Variants in ZNF407 observed in about 807,000 individuals in gnomAD.
The protein encoded by ZNF407 is zinc finger protein 407.
In ZNF407, 17 loss-of-function variants were observed where a neutral mutation model predicts 131.2. The ratio of observed to expected loss-of-function variants is 0.13; its 90% CI spans 0.09 to 0.19. The LOEUF (loss-of-function observed/expected upper bound fraction) is 0.19. Among genes scored for constraint, ZNF407 ranks in the 10% least tolerant of loss-of-function variants. The pLI, the probability that ZNF407 is intolerant of heterozygous loss-of-function variation, is 1.00. For synonymous variants in ZNF407, 1,156 were observed against 1,062.0 expected, an observed-to-expected ratio of 1.09 and a Z score of -1.72; for missense variants, 2,681 against 2,830.6, an observed-to-expected ratio of 0.95 and a Z score of 1.20.
intron 4 of ZNF407, among the ~76,000 whole-genome samples, chr18:74,793,455 C>G (rs1969863224): frequency 6.6e-6 from 1 of 152,018 alleles, no homozygotes; most frequent in Admixed American, 6.6e-5. Flanking sequence ...GATGTGTAAA[C>G]AAAGAAAAAG....
chr18:74,978,141 T>C (rs1972549096), intron 8 of ZNF407, among the ~76,000 whole-genome samples: 1 of 152,176 alleles, frequency 6.6e-6, no homozygotes, highest in African/African-American at 2.4e-5. Flanking sequence ...CACGGATGCA[T>C]GTAGTCACAT....
chr18:74,925,534 G>T (rs1971902419), intron 8 of ZNF407, among the ~76,000 whole-genome samples: 1 of 152,072 alleles, frequency 6.6e-6, no homozygotes, highest in Non-Finnish European at 1.5e-5. Context: ...TCATTAATTA[G>T]AACCATTAGT....
At chr18:75,053,822 A>G (rs1203628525) in intron 8 of ZNF407, among the ~76,000 whole-genome samples, 3 of 152,152 alleles carry the variant, frequency 2.0e-5, no homozygotes, top group Non-Finnish European at 4.4e-5. Flanking sequence ...ATCCAGGTAG[A>G]TCCAAGGAAG....
Position 75,064,364 on chromosome 18 carries a change from A to G in ZNF407, c.6643A>G (p.Arg2215Gly). 6.3e-7 allele frequency: 1 copy of G among 1,580,860 alleles called. No homozygotes were observed. Among genetic ancestry groups the G allele is most frequent in the Non-Finnish European group, 8.6e-7 (1 of 1,164,060 alleles). ...AGGCACAGAGGCCGGGGCCCCAAGC[A>G]GGGCAGAGCAGCTGGCCAGCGTGGT... The part of the protein sequence containing the change: ...TLGTEAGAPS[R>G]AEQLASVVIY... The change falls in exon 9 of 9, where the codon AGG (arginine) becomes GGG (glycine). Residue 2215 changes from arginine (R) to glycine (G), a missense_variant. By Grantham distance (125) the Arg-to-Gly change is moderately radical. This residue lies in a region of ZNF407 where 620 missense variants were observed against 583.1 expected (regional missense o/e 1.06). Transcript: ENST00000299687.
chr18:74,819,514 G>T (rs1253494417), intron 4 of ZNF407, among the ~76,000 whole-genome samples: 1 of 152,184 alleles, frequency 6.6e-6, no homozygotes. Context: ...AATTTCTAAT[G>T]GGCTTTCCTG....
chr18:74,876,950 A>G (rs1275400647), intron 4 of ZNF407, among the ~76,000 whole-genome samples: 3 of 152,216 alleles, frequency 2.0e-5, no homozygotes, highest in Admixed American at 6.5e-5. Flanking sequence ...CTCAGGGGTG[A>G]CTGGACTGTA....
At chr18:74,785,311 A>G (rs1166776245) in intron 4 of ZNF407, among the ~76,000 whole-genome samples, 2 of 152,000 alleles carry the variant, frequency 1.3e-5, no homozygotes, top group African/African-American at 4.8e-5. Context: ...GCTTCTTAGT[A>G]TTTTTGCTCA....
At chr18:74,704,556 T>A (rs1242933351) in intron 3 of ZNF407, among the ~76,000 whole-genome samples, 1 of 152,136 alleles carries the variant, frequency 6.6e-6, no homozygotes, top group African/African-American at 2.4e-5. Context: ...AGTTTGCAGG[T>A]TTATAACTTC....
At chr18:74,807,372 G>A (rs768906106) in intron 4 of ZNF407, among the ~76,000 whole-genome samples, 1 of 152,046 alleles carries the variant, frequency 6.6e-6, no homozygotes, top group Non-Finnish European at 1.5e-5. Context: ...CATGAGCAGG[G>A]TCCCGAGAGT....
chr18:74,993,605 A>C (rs993295672), intron 8 of ZNF407, among the ~76,000 whole-genome samples: 1 of 152,254 alleles, frequency 6.6e-6, no homozygotes, highest in Non-Finnish European at 1.5e-5. Context: ...TTAGAAGTGT[A>C]TCCAATTAAC....
At chr18:74,891,632 A>G (rs1480609927) in intron 7 of ZNF407, among the ~76,000 whole-genome samples, 2 of 152,170 alleles carry the variant, frequency 1.3e-5, no homozygotes, top group African/African-American at 4.8e-5. Context: ...GAAATTTGGT[A>G]AAATGGTGAT....
intron 3 of ZNF407, among the ~76,000 whole-genome samples, chr18:74,728,713 G>T (rs904380025): frequency 4.6e-5 from 7 of 152,166 alleles, no homozygotes; most frequent in Non-Finnish European, 1.0e-4. Flanking sequence ...TCTCTTAGAT[G>T]GTGGCGGAAG....
At chr18:75,006,119 A>G (rs1972907446) in intron 8 of ZNF407, among the ~76,000 whole-genome samples, 2 of 152,190 alleles carry the variant, frequency 1.3e-5, no homozygotes, top group Admixed American at 1.3e-4. Flanking sequence ...GATCAGCCTC[A>G]GAACTGATGG....
intron 6 of ZNF407, among the ~76,000 whole-genome samples, chr18:74,884,797 A>G (rs1048826908): frequency 3.9e-5 from 6 of 152,176 alleles, no homozygotes; most frequent in African/African-American, 1.4e-4. Flanking sequence ...TTAAGAGGTT[A>G]TGTTAAACTA....
At chr18:75,047,449 C>G (rs1302526639) in intron 8 of ZNF407, among the ~76,000 whole-genome samples, 1 of 152,238 alleles carries the variant, frequency 6.6e-6, no homozygotes, top group Non-Finnish European at 1.5e-5. Flanking sequence ...TTGAAGGTGA[C>G]TCTGCTGCCA....
At chr18:75,009,550 G>A (rs372617781) in intron 8 of ZNF407, among the ~76,000 whole-genome samples, 3 of 152,170 alleles carry the variant, frequency 2.0e-5, no homozygotes, top group African/African-American at 7.2e-5. Flanking sequence ...GAGTAGATTA[G>A]GGGAGAGAGA....
chr18:74,793,894 C>T (rs1247533689), intron 4 of ZNF407, among the ~76,000 whole-genome samples: 1 of 152,200 alleles, frequency 6.6e-6, no homozygotes, highest in Non-Finnish European at 1.5e-5. Context: ...AATGGGGTGT[C>T]TCTCAGGAGG....
At chr18:75,040,220 G>T (rs1467059530) in intron 8 of ZNF407, among the ~76,000 whole-genome samples, 1 of 152,114 alleles carries the variant, frequency 6.6e-6, no homozygotes, top group African/African-American at 2.4e-5. Context: ...AGGAATTTTT[G>T]TCACAGTCAT....
At chr18:74,788,087 A>T (rs1969754758) in intron 4 of ZNF407, among the ~76,000 whole-genome samples, 1 of 152,170 alleles carries the variant, frequency 6.6e-6, no homozygotes. Flanking sequence ...CAAAATTGTG[A>T]TCCATCTCTA....
Sources: gnomAD v4.1 joint callset for allele counts (sites outside exome capture counted in the v4.1 genomes callset) on GRCh38, gnomAD v4.1.1 for gene constraint, gnomAD v4.1.1 regional missense constraint, MANE v1.5 for transcripts, NCBI Gene and HGNC (gene_info 2026-07-23, HGNC 2026-07-21) for gene names.